Variants in DDR2 observed in about 807,000 individuals in gnomAD.
The protein encoded by DDR2 is discoidin domain-containing receptor 2.
A neutral mutation model predicts 94.9 loss-of-function variants in DDR2; 27 were observed. The observed-to-expected ratio is 0.28, with a 90% CI of 0.21 to 0.39. The LOEUF (loss-of-function observed/expected upper bound fraction) is 0.39, where lower values mean the gene tolerates loss of function less well. Ranked by LOEUF, DDR2 falls within the 10% of genes least tolerant of loss-of-function variation. DDR2 has a pLI of 1.00. For missense variants in DDR2, 783 were observed against 1,076.0 expected (o/e 0.73, Z 3.81); for synonymous variants, 382 against 377.2 (o/e 1.01, Z -0.15).
In DDR2 at chr1:162,725,169, A is replaced by T. The variant is rs1661598723; in HGVS notation, c.82+6024A>T. Among the ~76,000 whole-genome samples, 5 of 152,222 alleles carry T rather than the reference A, an allele frequency of 3.3e-5. No homozygotes were observed. The South Asian group carries it at 1.0e-3, about 32-fold the overall frequency. Reference sequence around the variant, plus strand: ...TAATCTTATTAGTATTAGTGTTATTATATAATAGTAGTATTATTATTCCAG... The same window carrying T: ...TAATCTTATTAGTATTAGTGTTATTTTATAATAGTAGTATTATTATTCCAG... On this transcript the variant is annotated intron_variant, in intron 3 of 17. Coordinates refer to ENST00000367921, the MANE Select transcript of DDR2 (RefSeq NM_006182.4).
chr1:162,699,918 T>C (rs1176788944), intron 2 of DDR2, among the ~76,000 whole-genome samples: 1 of 152,228 alleles, frequency 6.6e-6, no homozygotes, highest in Non-Finnish European at 1.5e-5. Flanking sequence ...TTCCTCCTAA[T>C]TAGCTTCTAT....
intron 2 of DDR2, among the ~76,000 whole-genome samples, chr1:162,669,888 TA>T (rs1189151430): frequency 6.6e-6 from 1 of 152,216 alleles, no homozygotes; most frequent in Non-Finnish European, 1.5e-5. Flanking sequence ...GCATTAATGT[TA>T]ACAGAGAAGC....
intron 1 of DDR2, among the ~76,000 whole-genome samples, chr1:162,647,248 C>T (rs1051557921): frequency 6.6e-6 from 1 of 152,108 alleles, no homozygotes; most frequent in African/African-American, 2.4e-5. Context: ...ATAAATCTTC[C>T]CCTGCGTTTC....
chr1:162,701,732 C>T (rs539364146), intron 2 of DDR2, among the ~76,000 whole-genome samples: 2 of 152,266 alleles, frequency 1.3e-5, no homozygotes, highest in African/African-American at 4.8e-5. Flanking sequence ...AGAAGCACAG[C>T]CTGTTTTTGG....
At chr1:162,692,830 C>T (rs939276416) in intron 2 of DDR2, among the ~76,000 whole-genome samples, 6 of 152,150 alleles carry the variant, frequency 3.9e-5, no homozygotes, top group Non-Finnish European at 8.8e-5. Context: ...TAGCTATAAT[C>T]CAATGAAAAT....
chr1:162,764,555 A>G (rs2102165602), intron 9 of DDR2, among the ~76,000 whole-genome samples: 1 of 152,280 alleles, frequency 6.6e-6, no homozygotes. Context: ...AAAGAGAGGA[A>G]GAGACTAATT....
chr1:162,633,958 A>C (rs1449417708), intron 1 of DDR2, among the ~76,000 whole-genome samples: 1 of 152,224 alleles, frequency 6.6e-6, no homozygotes, highest in Non-Finnish European at 1.5e-5. Context: ...AAGCGAAATG[A>C]GTTGCTCAAG....
intron 16 of DDR2, chr1:162,777,785 G>A (rs897979323): frequency 6.6e-6 from 1 of 152,234 alleles, no homozygotes; most frequent in Non-Finnish European, 1.5e-5. Flanking sequence ...TGAGGCAGGA[G>A]GATGAAAATC....
intron 2 of DDR2, among the ~76,000 whole-genome samples, chr1:162,694,159 G>A (rs919486990): frequency 6.6e-6 from 1 of 152,110 alleles, no homozygotes; most frequent in Admixed American, 6.6e-5. Flanking sequence ...TCTTAACTCT[G>A]CCTTCCCGTT....
chr1:162,755,632 T>G, intron 6 of DDR2, 32 bp from the exon 7 acceptor site: 1 of 1,592,936 alleles, frequency 6.3e-7, no homozygotes, highest in Non-Finnish European at 8.6e-7. Flanking sequence ...GCCTGAGCAG[T>G]AGGCACTCAC....
At chr1:162,696,054 A>G (rs1381162486) in intron 2 of DDR2, among the ~76,000 whole-genome samples, 1 of 152,156 alleles carries the variant, frequency 6.6e-6, no homozygotes, top group Admixed American at 6.5e-5. Flanking sequence ...AATGTTGTCT[A>G]TTACTGTGGA....
At chr1:162,646,693 G>A (rs1469871783) in intron 1 of DDR2, among the ~76,000 whole-genome samples, 2 of 152,152 alleles carry the variant, frequency 1.3e-5, no homozygotes, top group Admixed American at 1.3e-4. Context: ...TTACATTCCT[G>A]TCTTTTCCAT....
At position 162,713,833 on chromosome 1, in the gene DDR2, GTCTT is replaced by G. The variant is rs377284768; in HGVS notation, c.-27-5198_-27-5195del. Reference sequence around the variant, plus strand: ...CATGCCTCATTGTGTACACACACAAGTCTTTCTTTAGGGTAAATAAGAATAAATG... The same window carrying G: ...CATGCCTCATTGTGTACACACACAAGTCTTTAGGGTAAATAAGAATAAATG... On this transcript the variant is annotated intron_variant, in intron 2 of 17. Coordinates refer to ENST00000367921, the MANE Select transcript of DDR2 (RefSeq NM_006182.4). Among the ~76,000 whole-genome samples, 1,096 of 152,218 alleles carry G rather than the reference GTCTT, an allele frequency of 7.2e-3. 13 individuals are homozygous for G. Among genetic ancestry groups the G allele is most frequent in the African/African-American group, 0.025 (1,042 of 41,540 alleles).
intron 1 of DDR2, among the ~76,000 whole-genome samples, chr1:162,638,272 C>T (rs940707189): frequency 6.6e-5 from 10 of 152,184 alleles, no homozygotes; most frequent in African/African-American, 9.7e-5. Context: ...CCACCTGCCT[C>T]GGCCTCCCAA....
At chr1:162,771,230 G>A (rs1285028858) in intron 12 of DDR2, among the ~76,000 whole-genome samples, 1 of 152,154 alleles carries the variant, frequency 6.6e-6, no homozygotes. Context: ...TTAGCTCAGA[G>A]CAACTTTTCT....
intron 2 of DDR2, among the ~76,000 whole-genome samples, chr1:162,707,503 A>T (rs1660716143): frequency 6.6e-6 from 1 of 152,154 alleles, no homozygotes; most frequent in Admixed American, 6.5e-5. Flanking sequence ...AAAGTCTGTT[A>T]TTCATCCAGG....
At chr1:162,668,152 T>C (rs1571170363) in intron 2 of DDR2, among the ~76,000 whole-genome samples, 4 of 152,230 alleles carry the variant, frequency 2.6e-5, no homozygotes, top group Admixed American at 2.6e-4. Flanking sequence ...TAATTCAATA[T>C]TGAAAAAAAT....
In DDR2 at chr1:162,780,721, G is replaced by C. The variant is rs1237308738; in HGVS notation, c.*475G>C. ...TAGATGTGGAGAATCTGAGGACTCAGAATTCAGCAACTAATCACAGGTGGT... is the reference window on the plus strand; with the variant it reads ...TAGATGTGGAGAATCTGAGGACTCACAATTCAGCAACTAATCACAGGTGGT... On this transcript the variant is annotated 3_prime_UTR_variant, in exon 18 of 18. Transcript: ENST00000367921. 6.2e-6 allele frequency: 1 copy of C among 161,844 alleles called. No individual in the cohort carries two copies. Among genetic ancestry groups the C allele is most frequent in the African/African-American group, 2.4e-5 (1 of 41,474 alleles). 10.0% of individuals were successfully genotyped at this position (161,844 alleles called of 1,614,324 possible).
intron 2 of DDR2, among the ~76,000 whole-genome samples, chr1:162,717,771 C>T (rs76546222): frequency 6.6e-6 from 1 of 152,184 alleles, no homozygotes. Context: ...TTCATCACAT[C>T]ATATCAAGAA....
Sources: gnomAD v4.1 joint callset for allele counts (sites outside exome capture counted in the v4.1 genomes callset) on GRCh38, gnomAD v4.1.1 for gene constraint, MANE v1.5 for transcripts, NCBI Gene and HGNC (gene_info 2026-07-23, HGNC 2026-07-21) for gene names.